RBPJ: variants seen among roughly 807,000 people sequenced by gnomAD.
RBPJ encodes recombination signal binding protein for immunoglobulin kappa J region, also known as recombining binding protein suppressor of hairless.
A neutral mutation model predicts 67.8 loss-of-function variants in RBPJ; 9 were observed. The ratio of observed to expected loss-of-function variants is 0.13; its 90% CI spans 0.08 to 0.23. RBPJ has a LOEUF of 0.23. Ranked by LOEUF, RBPJ falls within the 10% of genes least tolerant of loss-of-function variation. RBPJ has a pLI of 1.00. For synonymous variants in RBPJ, 198 were observed against 203.3 expected (o/e 0.97, Z 0.22); for missense variants, 305 against 595.6 (o/e 0.51, Z 5.08).
At chr4:26,144,357 G>C in the RBPJ span, among the ~76,000 whole-genome samples, 2 of 135,602 alleles carry the variant, frequency 1.5e-5, no homozygotes, top group South Asian at 4.5e-4. Flanking sequence ...TGCAACCTCT[G>C]CTCCTGAGTT....
intron 1 of RBPJ, among the ~76,000 whole-genome samples, chr4:26,267,055 G>A (rs1720725282): frequency 6.6e-6 from 1 of 152,174 alleles, no homozygotes; most frequent in Admixed American, 6.5e-5. Flanking sequence ...TGATTGATAA[G>A]TTGTCTCCTC....
chr4:26,283,891 G>A (rs561364448), intron 1 of RBPJ, among the ~76,000 whole-genome samples: 41 of 152,170 alleles, frequency 2.7e-4, no homozygotes, highest in African/African-American at 7.9e-4. Flanking sequence ...TGATCCATCC[G>A]CCTCAGCCTC....
chr4:26,368,884 G>A (rs963025683), intron 1 of RBPJ, among the ~76,000 whole-genome samples: 5 of 152,208 alleles, frequency 3.3e-5, no homozygotes, highest in African/African-American at 1.2e-4. Flanking sequence ...AATGGGGGGT[G>A]ACTGGGTGCA....
intron 1 of RBPJ, among the ~76,000 whole-genome samples, chr4:26,270,418 AAAG>A (rs1560237911): frequency 3.5e-5 from 2 of 57,924 alleles, no homozygotes; most frequent in Non-Finnish European, 4.6e-5. Flanking sequence ...AGAAAGAAAG[AAAG>A]AAAGAAAGAA....
intron 1 of RBPJ, among the ~76,000 whole-genome samples, chr4:26,215,144 T>G (rs1434378350): frequency 1.7e-3 from 91 of 55,034 alleles, no homozygotes; most frequent in South Asian, 3.3e-3. Flanking sequence ...GAAGGAAGGA[T>G]GGAGGGAGGG....
At chr4:26,301,753 G>A (rs1207638813) in intron 1 of RBPJ, among the ~76,000 whole-genome samples, 1 of 152,050 alleles carries the variant, frequency 6.6e-6, no homozygotes, top group South Asian at 2.1e-4. Flanking sequence ...AAGTAGGCAT[G>A]ATATAGGCTG....
At chr4:26,222,367 C>T (rs1323009179) in intron 1 of RBPJ, among the ~76,000 whole-genome samples, 3 of 151,374 alleles carry the variant, frequency 2.0e-5, no homozygotes, top group Non-Finnish European at 4.4e-5. Flanking sequence ...TGGTGGCGGC[C>T]GCCTATAATC....
chr4:26,145,028 C>CT, the RBPJ span, among the ~76,000 whole-genome samples: 12,243 of 146,596 alleles, frequency 0.084, 636 homozygotes, highest in African/African-American at 0.13. Flanking sequence ...TCTTCTTCTT[C>CT]TTTTTTTTTT....
intron 1 of RBPJ, among the ~76,000 whole-genome samples, chr4:26,298,063 C>G (rs1560250306): frequency 6.6e-6 from 1 of 152,018 alleles, no homozygotes; most frequent in African/African-American, 2.4e-5. Context: ...TTCCATGAAA[C>G]GGATTAATGT....
the RBPJ span, among the ~76,000 whole-genome samples, chr4:26,149,653 A>G: frequency 6.6e-6 from 1 of 152,124 alleles, no homozygotes; most frequent in Non-Finnish European, 1.5e-5. Context: ...ATGCCCTTCC[A>G]CCTTTCACTA....
At chr4:26,415,721 A>AT (rs1419771175) in intron 4 of RBPJ, 81 bp downstream of exon 4, 16 of 1,351,684 alleles carry the variant, frequency 1.2e-5, no homozygotes, top group African/African-American at 1.5e-5. Flanking sequence ...TGTGGTGGAG[A>AT]TTTTTTTCTT....
At chr4:26,244,715 C>A (rs1719869388) in intron 1 of RBPJ, among the ~76,000 whole-genome samples, 1 of 152,028 alleles carries the variant, frequency 6.6e-6, no homozygotes, top group Non-Finnish European at 1.5e-5. Context: ...GCAACCTCTG[C>A]CTCCCAGGTT....
At position 26,343,870 on chromosome 4, in the gene RBPJ, C is replaced by T. The variant is rs548726269; in HGVS notation, c.20+22822C>T. On this transcript the variant is annotated intron_variant, in intron 1 of 10. Transcript: ENST00000355476. The stretch of plus-strand genomic sequence containing the variant: ...GGCTCAAGTGATTCTGCTGCCTCAG[C>T]CTCCCAGCTAGGTGGGATTACAGGC... Among the ~76,000 whole-genome samples the T allele has an allele frequency of 1.9e-3, 293 of 151,280 alleles. 1 individual carries two copies. Among genetic ancestry groups the T allele is most frequent in the Middle Eastern group, 6.8e-3 (2 of 294 alleles).
chr4:26,192,333 G>A (rs1717595351), intron 1 of RBPJ, among the ~76,000 whole-genome samples: 1 of 152,088 alleles, frequency 6.6e-6, no homozygotes, highest in Non-Finnish European at 1.5e-5. Context: ...TAAATAGAAT[G>A]ACATAACACA....
At chr4:26,147,129 A>G in the RBPJ span, among the ~76,000 whole-genome samples, 1 of 152,368 alleles carries the variant, frequency 6.6e-6, no homozygotes, top group Non-Finnish European at 1.5e-5. Flanking sequence ...TGTGAGTTCC[A>G]TTGTAGAAAA....
At chr4:26,168,780 T>C (rs536095096) in intron 1 of RBPJ, among the ~76,000 whole-genome samples, 3,593 of 152,092 alleles carry the variant, frequency 0.024, 119 homozygotes, top group African/African-American at 0.083. Context: ...CTTTTTATTC[T>C]TTTTTCTCTA....
intron 1 of RBPJ, among the ~76,000 whole-genome samples, chr4:26,173,356 G>A (rs1172837311): frequency 2.6e-5 from 4 of 152,046 alleles, no homozygotes; most frequent in African/African-American, 4.8e-5. Context: ...GGCTGGTCTC[G>A]AACTCCTGAC....
chr4:26,334,170 A>G (rs1475644587), intron 1 of RBPJ, among the ~76,000 whole-genome samples: 6 of 151,672 alleles, frequency 4.0e-5, no homozygotes, highest in Non-Finnish European at 8.8e-5. Flanking sequence ...CCTCCCGAGT[A>G]GCTGGGATTA....
At chr4:26,118,706 T>G in the RBPJ span, among the ~76,000 whole-genome samples, 54,182 of 152,044 alleles carry the variant, frequency 0.36, 11,291 homozygotes, top group African/African-American at 0.56. Flanking sequence ...TGTTGCTTAG[T>G]TTCATTCATA....
Sources: gnomAD v4.1 joint callset for allele counts (sites outside exome capture counted in the v4.1 genomes callset) on GRCh38, gnomAD v4.1.1 for gene constraint, MANE v1.5 for transcripts, NCBI Gene and HGNC (gene_info 2026-07-23, HGNC 2026-07-21) for gene names.